The following SLC35F4 variants were observed in gnomAD, a reference collection of about 807,000 sequenced individuals.
SLC35F4 encodes the protein solute carrier family 35 member F4.
A neutral mutation model predicts 44.2 loss-of-function variants in SLC35F4; 24 were observed. The observed-to-expected ratio is 0.54, with a 90% CI of 0.39 to 0.76. SLC35F4 has a LOEUF of 0.76. Ranked by LOEUF, SLC35F4 falls within the 30% of genes least tolerant of loss-of-function variation. The pLI is 0.00. For synonymous variants in SLC35F4, 238 were observed against 223.6 expected (o/e 1.06, Z -0.57); for missense variants, 562 against 586.1 (o/e 0.96, Z 0.42).
chr14:57,663,152 T>C (rs1273881956), intron 1 of SLC35F4, among the ~76,000 whole-genome samples: 1 of 152,180 alleles, frequency 6.6e-6, no homozygotes, highest in Non-Finnish European at 1.5e-5. Flanking sequence ...AATTGCCCCT[T>C]TGAGTGTGTC....
At chr14:57,681,206 G>A (rs896473109) in intron 1 of SLC35F4, among the ~76,000 whole-genome samples, 3 of 152,080 alleles carry the variant, frequency 2.0e-5, no homozygotes, top group Non-Finnish European at 4.4e-5. Context: ...AGAGGCCTCA[G>A]AAGTAACACC....
At chr14:57,717,828 C>T (rs1205982769) in intron 1 of SLC35F4, among the ~76,000 whole-genome samples, 1 of 152,126 alleles carries the variant, frequency 6.6e-6, no homozygotes, top group Non-Finnish European at 1.5e-5. Flanking sequence ...GGGTATCCAT[C>T]CCCTCAAGCA....
At chr14:57,960,396 C>A (rs1360876141) in intron 1 of SLC35F4, among the ~76,000 whole-genome samples, 2 of 152,244 alleles carry the variant, frequency 1.3e-5, no homozygotes, top group Non-Finnish European at 2.9e-5. Context: ...TCCCCTCCCC[C>A]TTCCAGGGGA....
chr14:57,902,696 A>G (rs969677937), intron 1 of SLC35F4, among the ~76,000 whole-genome samples: 1 of 152,210 alleles, frequency 6.6e-6, no homozygotes, highest in Non-Finnish European at 1.5e-5. Context: ...TGTAGCAATA[A>G]ATGTTAGAAT....
At chr14:57,952,908 C>T (rs1258730897) in intron 1 of SLC35F4, among the ~76,000 whole-genome samples, 2 of 151,902 alleles carry the variant, frequency 1.3e-5, no homozygotes, top group Non-Finnish European at 2.9e-5. Flanking sequence ...GCAAGATAAG[C>T]CAACATTCAA....
rs767682148 is a variant in SLC35F4 at position 57,569,775 on chromosome 14, C to G, written c.1126+13G>C. 19 of 1,573,960 alleles carry G rather than the reference C, an allele frequency of 1.2e-5. No individual in the cohort carries two copies. In the South Asian group the frequency reaches 2.2e-4, roughly 18 times the overall value. ...GATATAGGGAATGGAAGGCAAAACC[C>G]GAGGCCACTTACCCAGCCACAGCCC... On this transcript the variant is annotated intron_variant, in intron 6 of 7. Coordinates refer to ENST00000556826, the MANE Select transcript of SLC35F4 (RefSeq NM_001306087.2).
intron 1 of SLC35F4, among the ~76,000 whole-genome samples, chr14:57,793,982 A>G (rs1213480527): frequency 6.6e-6 from 1 of 152,178 alleles, no homozygotes; most frequent in Non-Finnish European, 1.5e-5. Context: ...TATTCAATAA[A>G]TGGTGCTGGG....
intron 1 of SLC35F4, among the ~76,000 whole-genome samples, chr14:57,634,444 T>C (rs1370487062): frequency 6.6e-6 from 1 of 152,152 alleles, no homozygotes; most frequent in East Asian, 1.9e-4. Context: ...ATCTTCATGG[T>C]GCTTCAGAGT....
downstream of SLC35F4, among the ~76,000 whole-genome samples, chr14:57,973,681 C>T (rs1337742882): frequency 1.3e-5 from 2 of 152,044 alleles, no homozygotes; most frequent in Admixed American, 6.6e-5. Context: ...ATAACAGAAA[C>T]CCACTACAAA....
intron 1 of SLC35F4, among the ~76,000 whole-genome samples, chr14:57,637,081 G>A (rs898160560): frequency 6.6e-6 from 1 of 152,078 alleles, no homozygotes; most frequent in African/African-American, 2.4e-5. Context: ...AAGAAGCTTT[G>A]CATACGTTAT....
chr14:57,593,847 T>G, intron 2 of SLC35F4, 92 bp downstream of exon 2: 1 of 1,403,892 alleles, frequency 7.1e-7, no homozygotes, highest in East Asian at 2.3e-5. Flanking sequence ...AGAGTCCGTG[T>G]AACATCTCTG....
At chr14:57,733,832 G>GA (rs36029954) in intron 1 of SLC35F4, among the ~76,000 whole-genome samples, 44,537 of 151,934 alleles carry the variant, frequency 0.29, 7,776 homozygotes, top group South Asian at 0.39. Flanking sequence ...TGTTATAAAG[G>GA]ATAATGCTTG....
chr14:57,890,510 G>A (rs1194002635), intron 1 of SLC35F4, among the ~76,000 whole-genome samples: 1 of 151,812 alleles, frequency 6.6e-6, no homozygotes, highest in Non-Finnish European at 1.5e-5. Context: ...TTTGGAGAAC[G>A]CTGAATTTCT....
chr14:57,632,610 C>A (rs1764704194), intron 1 of SLC35F4, among the ~76,000 whole-genome samples: 1 of 152,078 alleles, frequency 6.6e-6, no homozygotes, highest in Admixed American at 6.6e-5. Context: ...ACCACAGTGG[C>A]ACATTGGTTA....
intron 1 of SLC35F4, among the ~76,000 whole-genome samples, chr14:57,925,346 C>A (rs1268719106): frequency 6.8e-6 from 1 of 147,626 alleles, no homozygotes; most frequent in African/African-American, 2.4e-5. Context: ...CTATGTGGAG[C>A]CCCAAATAAT....
chr14:57,716,401 G>A (rs7155981), intron 1 of SLC35F4, among the ~76,000 whole-genome samples: 60,127 of 151,746 alleles, frequency 0.4, 11,935 homozygotes, highest in Middle Eastern at 0.42. Context: ...AGACCTTGGC[G>A]ATGACCTTGA....
At chr14:57,825,241 CA>C (rs1255555098) in intron 1 of SLC35F4, among the ~76,000 whole-genome samples, 2 of 151,788 alleles carry the variant, frequency 1.3e-5, no homozygotes, top group Non-Finnish European at 2.9e-5. Context: ...ACCATTCAAA[CA>C]AAAAAGTGTT....
intron 1 of SLC35F4, among the ~76,000 whole-genome samples, chr14:57,739,154 C>T (rs955291782): frequency 6.6e-6 from 1 of 152,216 alleles, no homozygotes; most frequent in East Asian, 1.9e-4. Flanking sequence ...GGGCTCAGAA[C>T]AGTCTTGGGA....
chr14:57,867,166 A>T (rs1188801214), upstream of SLC35F4, among the ~76,000 whole-genome samples: 1 of 151,864 alleles, frequency 6.6e-6, no homozygotes, highest in South Asian at 2.1e-4. Context: ...AGAAGAAAAA[A>T]AGAGAAACAA....
Sources: gnomAD v4.1 joint callset for allele counts (sites outside exome capture counted in the v4.1 genomes callset) on GRCh38, gnomAD v4.1.1 for gene constraint, MANE v1.5 for transcripts, NCBI Gene and HGNC (gene_info 2026-07-23, HGNC 2026-07-21) for gene names.